DOCK8: variants seen among roughly 807,000 people sequenced by gnomAD.
DOCK8 encodes the protein dedicator of cytokinesis protein 8.
Under a neutral mutation model 245.6 loss-of-function variants are expected in DOCK8, and 141 were observed. The observed-to-expected ratio is 0.57, with a 90% CI of 0.50 to 0.66. The LOEUF (loss-of-function observed/expected upper bound fraction) is 0.66, where lower values mean the gene tolerates loss of function less well. Ranked by LOEUF, DOCK8 falls within the 30% of genes least tolerant of loss-of-function variation. DOCK8 has a pLI of 0.00. For synonymous variants in DOCK8, 1,168 were observed against 970.2 expected (o/e 1.20, Z -3.79); for missense variants, 2,965 against 2,603.4 (o/e 1.14, Z -3.02).
intron 1 of DOCK8, among the ~76,000 whole-genome samples, chr9:245,785 T>C (rs1167463330): frequency 6.6e-6 from 1 of 152,202 alleles, no homozygotes; most frequent in Non-Finnish European, 1.5e-5. Flanking sequence ...TTCCAGGTCA[T>C]TGGCAGAATA....
chr9:384,963 C>T (rs1488667403), intron 22 of DOCK8, among the ~76,000 whole-genome samples: 1 of 152,032 alleles, frequency 6.6e-6, no homozygotes, highest in East Asian at 1.9e-4. Context: ...ACTGGATTCA[C>T]CCCCTGAGAT....
intron 26 of DOCK8, among the ~76,000 whole-genome samples, chr9:400,882 CACCACCA>C (rs1398266983): frequency 3.4e-5 from 4 of 117,780 alleles, no homozygotes; most frequent in African/African-American, 1.4e-4. Context: ...CCACCACCTC[CACCACCA>C]CCACCTCCCC....
chr9:371,277 C>T (rs1327913053), intron 16 of DOCK8, 151 bp from the exon 17 acceptor site: 2 of 824,244 alleles, frequency 2.4e-6, no homozygotes, highest in East Asian at 2.7e-5. Flanking sequence ...AGCTTGGTCT[C>T]AGGGACTTCC....
intron 46 of DOCK8, among the ~76,000 whole-genome samples, chr9:456,001 A>G (rs2131920641): frequency 6.6e-6 from 1 of 152,348 alleles, no homozygotes; most frequent in African/African-American, 2.4e-5. Context: ...TCAGTAGGAC[A>G]AGGCTACAGA....
At chr9:255,925 C>T (rs953446827) in intron 1 of DOCK8, among the ~76,000 whole-genome samples, 1 of 151,954 alleles carries the variant, frequency 6.6e-6, no homozygotes. Flanking sequence ...CTGCTTGATC[C>T]GTAATTCAGG....
chr9:384,848 G>A (rs902769791), intron 22 of DOCK8, among the ~76,000 whole-genome samples: 11 of 152,100 alleles, frequency 7.2e-5, no homozygotes, highest in East Asian at 1.9e-4. Flanking sequence ...CCCGGGAGGC[G>A]GAGCTTGCAG....
At chr9:305,855 C>G (rs1222227876) in intron 5 of DOCK8, among the ~76,000 whole-genome samples, 2 of 151,846 alleles carry the variant, frequency 1.3e-5, no homozygotes, top group Non-Finnish European at 2.9e-5. Context: ...TTATTCACAG[C>G]AGCCAAAAAG....
In DOCK8 at chr9:396,877, T is replaced by C. The variant is rs2054486503; in HGVS notation, c.3063T>C (p.Thr1021=). 1 of 1,613,986 alleles carries C rather than the reference T, an allele frequency of 6.2e-7. No homozygotes were observed. Among genetic ancestry groups the C allele is most frequent in the African/African-American group, 1.3e-5 (1 of 74,908 alleles). Residue 1021 remains threonine (T), a synonymous_variant, in exon 25 of 48, where the codon ACT becomes ACC. Coordinates refer to ENST00000432829, the MANE Select transcript of DOCK8 (RefSeq NM_203447.4). ...RFSDRFMDDI[T]TIVNVVTSEI... is the part of the protein sequence containing the mutation. Reference sequence around the variant, plus strand: ...CTGACCGTTTCATGGATGACATAACTACTATTGTTAATGTGGTCACCTCGG... The same window carrying C: ...CTGACCGTTTCATGGATGACATAACCACTATTGTTAATGTGGTCACCTCGG...
At chr9:333,472 G>T (rs531047992) in intron 10 of DOCK8, among the ~76,000 whole-genome samples, 1 of 152,192 alleles carries the variant, frequency 6.6e-6, no homozygotes, top group African/African-American at 2.4e-5. Flanking sequence ...ATGGTGGCAC[G>T]TGCCTGTATT....
intron 45 of DOCK8, 73 bp downstream of exon 45, chr9:450,000 T>G: frequency 6.5e-7 from 1 of 1,532,252 alleles, no homozygotes. Context: ...TGCACCCTTC[T>G]TCCTTGGGGT....
rs1240633569 is a variant in DOCK8, at chr9:369,861, G to A, written c.1798-369G>A. The stretch of plus-strand genomic sequence containing the variant: ...CTCTTGCCCAGGCTGGGGTGCAATG[G>A]TGCAATCTCGACTCACTGCAACCTC... On this transcript the variant is annotated intron_variant, in intron 15 of 47. Transcript: ENST00000432829. The A allele has an allele frequency of 2.4e-5, 7 of 295,324 alleles. No individual in the cohort carries two copies. The East Asian group carries it at 5.9e-4, about 25-fold the overall frequency. 18.3% of individuals were successfully genotyped at this position (295,324 alleles called of 1,614,324 possible).
chr9:285,653 G>A (rs1404910028), intron 2 of DOCK8, among the ~76,000 whole-genome samples: 2 of 151,996 alleles, frequency 1.3e-5, no homozygotes, highest in Admixed American at 6.5e-5. Context: ...GACTGACAAA[G>A]GTTGCCAACT....
chr9:388,770 G>A (rs1024042560), intron 23 of DOCK8, among the ~76,000 whole-genome samples: 2 of 148,966 alleles, frequency 1.3e-5, no homozygotes, highest in Non-Finnish European at 3.0e-5. Context: ...GACCAGGCTC[G>A]TCTCAAACTC....
chr9:360,131 C>A (rs1401971512), intron 14 of DOCK8, among the ~76,000 whole-genome samples: 1 of 151,976 alleles, frequency 6.6e-6, no homozygotes, highest in African/African-American at 2.4e-5. Context: ...GCCTGGCCAA[C>A]ATGGTGAAAC....
At chr9:398,341 AG>A (rs775694788) in intron 25 of DOCK8, among the ~76,000 whole-genome samples, 4 of 152,220 alleles carry the variant, frequency 2.6e-5, no homozygotes, top group Non-Finnish European at 5.9e-5. Context: ...CATCCATCCC[AG>A]TGACTTGACT....
rs1463938132 is a variant in DOCK8, at chr9:420,559, C to A, written c.3999C>A (p.Ile1333=). The change falls in exon 31 of 48, where the codon ATC becomes ATA. Residue 1333 remains isoleucine, a synonymous_variant. Transcript: ENST00000432829. ...ACAGGATTTTAGATCTACTTTTCAT[C>A]TGTGTGTTATGTTTTGAGTATAAGG... The part of the protein sequence containing the change: ...QLNRILDLLF[I]CVLCFEYKGK... 1 of 1,614,154 alleles carries A rather than the reference C, an allele frequency of 6.2e-7. No individual in the cohort carries two copies. The highest frequency in any genetic ancestry group is 1.1e-5 in the South Asian group (1 of 91,084).
At chr9:389,414 T>C (rs2054088534) in intron 23 of DOCK8, among the ~76,000 whole-genome samples, 1 of 152,138 alleles carries the variant, frequency 6.6e-6, no homozygotes, top group Admixed American at 6.5e-5. Flanking sequence ...CATAGACATT[T>C]AGATGTTGTA....
At chr9:269,051 C>A (rs1338549128) in intron 1 of DOCK8, among the ~76,000 whole-genome samples, 1 of 152,188 alleles carries the variant, frequency 6.6e-6, no homozygotes. Flanking sequence ...ACACGTACAC[C>A]TATCTATATC....
Position 368,002 on chromosome 9 carries a change from A to C in DOCK8, c.1680-16A>C, listed in dbSNP as rs756350854. The C allele has an allele frequency of 2.5e-6, 4 of 1,586,024 alleles. No homozygotes were observed. The highest frequency in any genetic ancestry group is 1.7e-5 in the Admixed American group (1 of 59,976). ...TCTAGACCTTTTTCATTGATTCTTT[A>C]TCTCTTCTTTTCCAGAAACCTTCTC... On this transcript the variant is annotated splice_polypyrimidine_tract_variant and intron_variant, in intron 14 of 47. Coordinates refer to ENST00000432829, the MANE Select transcript of DOCK8 (RefSeq NM_203447.4).
Sources: gnomAD v4.1 joint callset for allele counts (sites outside exome capture counted in the v4.1 genomes callset) on GRCh38, gnomAD v4.1.1 for gene constraint, MANE v1.5 for transcripts, NCBI Gene and HGNC (gene_info 2026-07-23, HGNC 2026-07-21) for gene names.